PROSER2: variants seen among roughly 807,000 people sequenced by gnomAD.
PROSER2 encodes the protein proline and serine rich 2, also known as proline and serine-rich protein 2.
Under a neutral mutation model 14.6 loss-of-function variants are expected in PROSER2, and 18 were observed. The ratio of observed to expected loss-of-function variants is 1.23; its 90% CI spans 0.85 to 1.83. PROSER2 has a LOEUF of 1.83. Among genes scored for constraint, PROSER2 ranks in the 40% most tolerant of loss-of-function variants. The probability of loss-of-function intolerance (pLI) is 0.00; values close to 1 mark genes in which losing one functional copy is unlikely to be tolerated. For synonymous variants in PROSER2, 367 were observed against 286.4 expected, an observed-to-expected ratio of 1.28 and a Z score of -2.84; for missense variants, 823 against 629.8, an observed-to-expected ratio of 1.31 and a Z score of -3.28.
chr10:11,847,482 ATC>A (rs1833940660), intron 1 of PROSER2, among the ~76,000 whole-genome samples: 1 of 152,180 alleles, frequency 6.6e-6, no homozygotes. Flanking sequence ...CATTGGCGCA[ATC>A]TCTGCTCACT....
chr10:11,853,529 G>T (rs1263629905), intron 2 of PROSER2, among the ~76,000 whole-genome samples: 1 of 152,192 alleles, frequency 6.6e-6, no homozygotes, highest in Admixed American at 6.5e-5. Context: ...AGAGGTTGTA[G>T]TGAGCTGAAA....
intron 2 of PROSER2, among the ~76,000 whole-genome samples, chr10:11,863,886 T>A (rs1324527423): frequency 6.6e-6 from 1 of 152,220 alleles, no homozygotes; most frequent in African/African-American, 2.4e-5. Flanking sequence ...TCGGTTTTGC[T>A]TGCATGGTTT....
At chr10:11,839,612 G>C (rs1833807985) in intron 1 of PROSER2, among the ~76,000 whole-genome samples, 1 of 152,046 alleles carries the variant, frequency 6.6e-6, no homozygotes, top group Non-Finnish European at 1.5e-5. Flanking sequence ...AGATCATAAG[G>C]TCAGGAGTTC....
intron 1 of PROSER2, among the ~76,000 whole-genome samples, chr10:11,844,082 C>T (rs1833889616): frequency 1.3e-5 from 2 of 152,188 alleles, no homozygotes; most frequent in Non-Finnish European, 2.9e-5. Context: ...ACCTCCAACT[C>T]CTGGCCTCAA....
intron 1 of PROSER2, among the ~76,000 whole-genome samples, chr10:11,843,685 CAAA>C (rs369244388): frequency 4.4e-5 from 5 of 113,218 alleles, no homozygotes; most frequent in Admixed American, 9.1e-5. Context: ...GACTCTGTCT[CAAA>C]AAAAAAAAAA....
intron 2 of PROSER2, among the ~76,000 whole-genome samples, chr10:11,860,743 G>A (rs745933829): frequency 1.9e-4 from 29 of 152,196 alleles, no homozygotes; most frequent in African/African-American, 4.8e-4. Flanking sequence ...GTGGGGATCC[G>A]AGCAAGGGTC....
intron 2 of PROSER2, among the ~76,000 whole-genome samples, chr10:11,858,825 A>G (rs1286843561): frequency 1.3e-5 from 2 of 151,494 alleles, no homozygotes; most frequent in African/African-American, 4.9e-5. Flanking sequence ...CCTGGCCAAT[A>G]TGGTGAAACC....
At position 11,870,525 on chromosome 10, in the gene PROSER2, C is replaced by G. The variant is rs1834465250; in HGVS notation, c.*119C>G. The G allele has an allele frequency of 1.1e-6, 1 of 887,852 alleles. No homozygotes were observed. Among genetic ancestry groups the G allele is most frequent in the African/African-American group, 1.8e-5 (1 of 55,810 alleles). The allele number at this position is 887,852 out of a possible 1,614,324, so 55.0% of individuals were successfully genotyped here. On this transcript the variant is annotated 3_prime_UTR_variant, in exon 4 of 4. Transcript: ENST00000277570. ...AAGTGACAGCGGGAGCCCCTGCCCT[C>G]TGTGGCACATCGGAGTCTAGAGGTG... is the stretch of plus-strand genomic sequence containing the variant.
intron 2 of PROSER2, among the ~76,000 whole-genome samples, chr10:11,860,348 A>G (rs1036580514): frequency 6.6e-6 from 1 of 152,146 alleles, no homozygotes; most frequent in Non-Finnish European, 1.5e-5. Context: ...TGGGCGCGGT[A>G]GCTCACACCT....
At chr10:11,829,307 G>A (rs12357716) in intron 1 of PROSER2, among the ~76,000 whole-genome samples, 7,542 of 151,234 alleles carry the variant, frequency 0.05, 239 homozygotes, top group Non-Finnish European at 0.068. Context: ...TTACATACCC[G>A]GGCATGCTAG....
chr10:11,829,931 C>A (rs1406955144), intron 1 of PROSER2, among the ~76,000 whole-genome samples: 3 of 149,674 alleles, frequency 2.0e-5, no homozygotes, highest in Non-Finnish European at 4.4e-5. Flanking sequence ...GCAGCCTCCA[C>A]CTCCTGGGCT....
chr10:11,828,891 T>C (rs1215655348), intron 1 of PROSER2, among the ~76,000 whole-genome samples: 9 of 152,010 alleles, frequency 5.9e-5, no homozygotes, highest in Non-Finnish European at 1.3e-4. Context: ...CACAGGTGTT[T>C]TGGGAGCAGA....
chr10:11,869,537 C>T lies in PROSER2; in HGVS notation c.439C>T (p.Pro147Ser). Reference protein sequence around the residue: ...KEHRKQDAETPPPPDPPAPET... With the variant: ...KEHRKQDAETSPPPDPPAPET... Reference sequence around the variant, plus strand: ...GCACAGGAAACAAGATGCTGAGACTCCTCCACCTCCAGACCCCCCGGCTCC... The same window carrying T: ...GCACAGGAAACAAGATGCTGAGACTTCTCCACCTCCAGACCCCCCGGCTCC... The change falls in exon 4 of 4, where the codon CCT becomes TCT. Residue 147 changes from proline (P) to serine (S), a missense_variant. Physicochemically the swap from Pro to Ser is moderately conservative, Grantham distance 74 (BLOSUM62 -1). Coordinates refer to ENST00000277570, the MANE Select transcript of PROSER2 (RefSeq NM_153256.4). This position sits in a 1 kb window ranked among gnomAD's most constrained non-coding sequence, Gnocchi z 4.4. The T allele has an allele frequency of 6.2e-7, 1 of 1,613,770 alleles. No homozygotes were observed. Among genetic ancestry groups the T allele is most frequent in the African/African-American group, 1.3e-5 (1 of 74,990 alleles).
chr10:11,859,108 A>G (rs1487279080), intron 2 of PROSER2, among the ~76,000 whole-genome samples: 1 of 151,382 alleles, frequency 6.6e-6, no homozygotes, highest in Non-Finnish European at 1.5e-5. Flanking sequence ...TTACTCCACA[A>G]TCCAAACTGG....
At chr10:11,852,271 T>C in intron 2 of PROSER2, 56 bp downstream of exon 2, 1 of 1,529,318 alleles carries the variant, frequency 6.5e-7, no homozygotes, top group East Asian at 2.4e-5. Context: ...GGATTTTGCC[T>C]CAATCCCTCT....
At chr10:11,848,357 C>A (rs1237067895) in intron 1 of PROSER2, among the ~76,000 whole-genome samples, 1 of 151,988 alleles carries the variant, frequency 6.6e-6, no homozygotes, top group Non-Finnish European at 1.5e-5. Flanking sequence ...TTAGTAGAGA[C>A]GGGGTTTCGC....
chr10:11,847,404 T>C (rs1267240890), intron 1 of PROSER2, among the ~76,000 whole-genome samples: 1 of 151,442 alleles, frequency 6.6e-6, no homozygotes, highest in Non-Finnish European at 1.5e-5. Flanking sequence ...TTATTCTGTT[T>C]TGTTGTTTTG....
At chr10:11,859,898 C>T (rs1223995750) in intron 2 of PROSER2, among the ~76,000 whole-genome samples, 2 of 152,366 alleles carry the variant, frequency 1.3e-5, no homozygotes, top group East Asian at 1.9e-4. Flanking sequence ...CTGCCCTCAT[C>T]GCCATGACCT....
intron 2 of PROSER2, among the ~76,000 whole-genome samples, chr10:11,852,713 T>C (rs1652704584): frequency 6.7e-6 from 1 of 148,280 alleles, no homozygotes; most frequent in South Asian, 2.1e-4. Context: ...TTTTTTGGTA[T>C]TTTTAGTAGA....
Sources: allele counts gnomAD v4.1 joint callset (sites outside exome capture counted in the v4.1 genomes callset), GRCh38; gene constraint gnomAD v4.1.1; non-coding constraint Gnocchi (gnomAD v3.1); transcripts MANE v1.5; gene names NCBI Gene and HGNC (gene_info 2026-07-23, HGNC 2026-07-21).